Variants in BTRC observed in about 807,000 individuals in gnomAD.
The protein encoded by BTRC is beta-transducin repeat containing E3 ubiquitin protein ligase, also known as F-box/WD repeat-containing protein 1A.
In BTRC, 42 loss-of-function variants were observed where a neutral mutation model predicts 85.5. The observed-to-expected ratio is 0.49, with a 90% CI of 0.38 to 0.64. The LOEUF (loss-of-function observed/expected upper bound fraction) is 0.64. Among genes scored for constraint, BTRC ranks in the 30% least tolerant of loss-of-function variants. The pLI is 0.00. For synonymous variants in BTRC, 255 were observed against 263.3 expected (o/e 0.97, Z 0.30); for missense variants, 594 against 743.5 (o/e 0.80, Z 2.34).
At chr10:101,427,529 T>TC (rs1944291828) in intron 1 of BTRC, among the ~76,000 whole-genome samples, 1 of 151,164 alleles carries the variant, frequency 6.6e-6, no homozygotes, top group African/African-American at 2.4e-5. Flanking sequence ...CTTACTTTCT[T>TC]TTCTTTCTTC....
rs555354827 is a variant in BTRC, at chr10:101,360,254, C to T, written c.48+6026C>T. ...GTTTTTAGTAGAGACAGGGTTTCACCGTGTTGCCCGGGCTGGTCTCGAACT... is the reference window on the plus strand; with the variant it reads ...GTTTTTAGTAGAGACAGGGTTTCACTGTGTTGCCCGGGCTGGTCTCGAACT... On this transcript the variant is annotated intron_variant, in intron 1 of 14. Coordinates refer to ENST00000370187, the MANE Select transcript of BTRC (RefSeq NM_033637.4). 1.6e-4 allele frequency among the ~76,000 whole-genome samples: 24 copies of T among 152,014 alleles called. No homozygotes were observed. In the East Asian group the frequency reaches 4.5e-3, roughly 28 times the overall value.
intron 1 of BTRC, among the ~76,000 whole-genome samples, chr10:101,429,518 C>A (rs1944345025): frequency 8.2e-6 from 1 of 122,184 alleles, no homozygotes; most frequent in African/African-American, 3.1e-5. Flanking sequence ...CCCCTCCCCT[C>A]CCTCCCTTCC....
chr10:101,421,141 T>G (rs1944089271), intron 1 of BTRC, among the ~76,000 whole-genome samples: 1 of 151,964 alleles, frequency 6.6e-6, no homozygotes, highest in Admixed American at 6.6e-5. Context: ...AATGTTGAAG[T>G]TAATTCATTT....
chr10:101,473,028 T>C (rs1004848819), intron 3 of BTRC, among the ~76,000 whole-genome samples: 3 of 152,198 alleles, frequency 2.0e-5, no homozygotes, highest in Non-Finnish European at 4.4e-5. Flanking sequence ...TTGATCACTA[T>C]TTTTATAACT....
At chr10:101,493,666 G>A (rs947624588) in intron 4 of BTRC, among the ~76,000 whole-genome samples, 1 of 152,208 alleles carries the variant, frequency 6.6e-6, no homozygotes, top group African/African-American at 2.4e-5. Context: ...AATTATGATA[G>A]AGTAATACAT....
At chr10:101,525,804 A>C (rs760100938) in intron 5 of BTRC, among the ~76,000 whole-genome samples, 3 of 152,134 alleles carry the variant, frequency 2.0e-5, no homozygotes, top group Non-Finnish European at 4.4e-5. Flanking sequence ...AGGAAGATGG[A>C]AAATACTGTT....
chr10:101,488,734 C>T (rs1946053606), intron 4 of BTRC, among the ~76,000 whole-genome samples: 1 of 152,010 alleles, frequency 6.6e-6, no homozygotes, highest in African/African-American at 2.4e-5. Flanking sequence ...TCTAAAGATA[C>T]ACAAAATATT....
rs142382301 is a variant in BTRC at position 101,517,909 on chromosome 10, CT to C, written c.325-3709del. ...CTTCCATGGACTGTTGAAGTAGTGT[CT>C]TTTTTTTTTTTTTTTTTTTTGAGAC... On this transcript the variant is annotated intron_variant, in intron 4 of 14. Transcript: ENST00000370187. Among the ~76,000 whole-genome samples, 651 of 116,084 alleles carry C rather than the reference CT, an allele frequency of 5.6e-3. 4 individuals carry two copies. The highest frequency in any genetic ancestry group is 0.013 in the African/African-American group (444 of 33,054). 76.2% of individuals were successfully genotyped at this position (116,084 alleles called of 152,430 possible). A position where few individuals can be genotyped will look rare whatever the true frequency, so the allele number is the denominator to read the frequency against.
At chr10:101,534,934 T>C in intron 10 of BTRC, 24 bp downstream of exon 10, 2 of 1,601,942 alleles carry the variant, frequency 1.2e-6, no homozygotes, top group Non-Finnish European at 1.7e-6. Flanking sequence ...TTTCAGTAAG[T>C]TTCCAACTTA....
At chr10:101,450,587 A>G (rs1305960524) in intron 2 of BTRC, among the ~76,000 whole-genome samples, 1 of 152,196 alleles carries the variant, frequency 6.6e-6, no homozygotes, top group Non-Finnish European at 1.5e-5. Flanking sequence ...TTGACTTGAA[A>G]AACATTTGAT....
chr10:101,374,502 A>T (rs948658740), intron 1 of BTRC, among the ~76,000 whole-genome samples: 4 of 149,710 alleles, frequency 2.7e-5, no homozygotes, highest in Admixed American at 2.0e-4. Flanking sequence ...TGAAATTGGA[A>T]ATCATCATTC....
At chr10:101,469,320 TC>T (rs1945460840) in intron 3 of BTRC, among the ~76,000 whole-genome samples, 1 of 152,200 alleles carries the variant, frequency 6.6e-6, no homozygotes, top group African/African-American at 2.4e-5. Context: ...CTGTGTTACT[TC>T]CTTGGGAGAT....
chr10:101,381,962 CTTTTTTTTTTTTTTTTTTTTTTTTT>C (rs71016314), intron 1 of BTRC, among the ~76,000 whole-genome samples: 2 of 49,156 alleles, frequency 4.1e-5, no homozygotes, highest in African/African-American at 1.1e-4. Context: ...CTAAGAATGT[CTTTTTTTTTTTTTTTTTTTTTTTTT>C]TTTTTTTTTT....
In BTRC at chr10:101,553,991, C is replaced by T. The variant is rs1236991324; in HGVS notation, c.*868C>T. Reference sequence around the variant, plus strand: ...AGTGGATTCTCAGACATGATACTCTCATCATATTTGCAACTCTTCTCTCTC... The same window carrying T: ...AGTGGATTCTCAGACATGATACTCTTATCATATTTGCAACTCTTCTCTCTC... On this transcript the variant is annotated 3_prime_UTR_variant, in exon 15 of 15. Coordinates refer to ENST00000370187, the MANE Select transcript of BTRC (RefSeq NM_033637.4). 3 of 152,184 alleles carry T rather than the reference C, an allele frequency of 2.0e-5. No individual in the cohort carries two copies. The highest frequency in any genetic ancestry group is 4.4e-5 in the Non-Finnish European group (3 of 68,050). The allele number at this position is 152,184 out of a possible 1,614,324, so 9.4% of individuals were successfully genotyped here.
chr10:101,440,518 C>T (rs1157953880), intron 2 of BTRC, among the ~76,000 whole-genome samples: 7 of 151,850 alleles, frequency 4.6e-5, no homozygotes, highest in Middle Eastern at 3.2e-3. Context: ...CTCAGAAATT[C>T]GAGACCAGCC....
rs569554814 is a variant in BTRC at position 101,387,200 on chromosome 10, T to G, written c.48+32972T>G. 2.0e-4 allele frequency among the ~76,000 whole-genome samples: 30 copies of G among 151,964 alleles called. 1 individual carries two copies. The South Asian group carries it at 6.2e-3, about 32-fold the overall frequency. ...GGCAAATCTTTTCTATTTTAAAAAA[T>G]TCATATTAAAAATTTAACATAATAA... On this transcript the variant is annotated intron_variant, in intron 1 of 14. Transcript: ENST00000370187.
chr10:101,354,286 G>T, intron 1 of BTRC, 58 bp downstream of exon 1: 1 of 1,536,118 alleles, frequency 6.5e-7, no homozygotes, highest in South Asian at 1.2e-5. Flanking sequence ...CGGCGTCGCT[G>T]GCCTGGGCCG....
intron 1 of BTRC, among the ~76,000 whole-genome samples, chr10:101,387,873 A>T (rs1943126380): frequency 6.6e-6 from 1 of 151,464 alleles, no homozygotes; most frequent in African/African-American, 2.4e-5. Flanking sequence ...TATTTTTAGG[A>T]GAGACGGGGC....
intron 1 of BTRC, among the ~76,000 whole-genome samples, chr10:101,390,353 TC>T (rs35784293): frequency 0.34 from 48,820 of 142,420 alleles, 9,429 homozygotes; most frequent in Middle Eastern, 0.45. Context: ...TTTTTTTTTT[TC>T]CGAGACGGAG....
Sources: allele counts gnomAD v4.1 joint callset (sites outside exome capture counted in the v4.1 genomes callset), GRCh38; gene constraint gnomAD v4.1.1; transcripts MANE v1.5; gene names NCBI Gene and HGNC (gene_info 2026-07-23, HGNC 2026-07-21).